The following FHIT variants were observed in gnomAD, a reference collection of about 807,000 sequenced individuals.
The protein encoded by FHIT is bis(5'-adenosyl)-triphosphatase.
Under a neutral mutation model 17.9 loss-of-function variants are expected in FHIT, and 19 were observed. That is an observed-to-expected ratio of 1.06 (90% CI 0.74 to 1.56). FHIT has a LOEUF of 1.56. Among genes scored for constraint, FHIT ranks in the 40% most tolerant of loss-of-function variants. The probability of loss-of-function intolerance (pLI) is 0.00; values close to 1 mark genes in which losing one functional copy is unlikely to be tolerated. For synonymous variants in FHIT, 81 were observed against 69.7 expected, an observed-to-expected ratio of 1.16 and a Z score of -0.81; for missense variants, 248 against 189.2, an observed-to-expected ratio of 1.31 and a Z score of -1.82.
chr3:61,014,145 A>G (rs1258828413), intron 3 of FHIT, among the ~76,000 whole-genome samples: 1 of 152,190 alleles, frequency 6.6e-6, no homozygotes, highest in Non-Finnish European at 1.5e-5. Context: ...TGAGAACTCC[A>G]GCTGTGGGAA....
At chr3:61,204,721 A>C (rs1171735695) in intron 1 of FHIT, among the ~76,000 whole-genome samples, 2 of 152,240 alleles carry the variant, frequency 1.3e-5, no homozygotes, top group Non-Finnish European at 2.9e-5. Context: ...ATAAGTACAC[A>C]CCACGGAAAT....
intron 5 of FHIT, among the ~76,000 whole-genome samples, chr3:60,481,219 G>A (rs553186829): frequency 6.6e-5 from 10 of 152,278 alleles, no homozygotes; most frequent in African/African-American, 2.2e-4. Flanking sequence ...TGAAGGGGAT[G>A]GGAAGAACGG....
At chr3:60,036,299 T>G (rs1469999444) in intron 5 of FHIT, among the ~76,000 whole-genome samples, 1 of 152,208 alleles carries the variant, frequency 6.6e-6, no homozygotes, top group Non-Finnish European at 1.5e-5. Flanking sequence ...ACCACAGTCC[T>G]TCCTGCTAAA....
rs185008027 is a variant in FHIT, at chr3:60,537,088, G to A, written c.-17-109C>T. On this transcript the variant is annotated intron_variant, in intron 4 of 9. Transcript: ENST00000492590. The stretch of plus-strand genomic sequence containing the variant: ...ACTACAGATTCTTAGTTGCAGAGAG[G>A]ATGCCATTGAAATTGTTCCTCATTG... The A allele has an allele frequency of 1.1e-4, 95 of 864,894 alleles. No homozygotes were observed. The African/African-American group carries it at 1.6e-3, about 14-fold the overall frequency. 53.6% of individuals were successfully genotyped at this position (864,894 alleles called of 1,614,324 possible).
intron 3 of FHIT, among the ~76,000 whole-genome samples, chr3:60,991,474 T>C (rs2107582742): frequency 6.6e-6 from 1 of 152,300 alleles, no homozygotes; most frequent in Non-Finnish European, 1.5e-5. Flanking sequence ...TACAGCTGTC[T>C]GGGCGTCATG....
intron 5 of FHIT, among the ~76,000 whole-genome samples, chr3:60,450,237 G>T (rs1000405405): frequency 6.8e-6 from 1 of 147,050 alleles, no homozygotes; most frequent in Non-Finnish European, 1.5e-5. Flanking sequence ...ATTAATAATT[G>T]CACTATGACA....
At chr3:60,405,726 G>A (rs1021108395) in intron 5 of FHIT, among the ~76,000 whole-genome samples, 2 of 152,134 alleles carry the variant, frequency 1.3e-5, no homozygotes, top group African/African-American at 4.8e-5. Context: ...AGACATTTTG[G>A]GCTATCACAA....
chr3:61,114,768 G>A (rs903019602), intron 2 of FHIT, among the ~76,000 whole-genome samples: 2 of 152,086 alleles, frequency 1.3e-5, no homozygotes, highest in African/African-American at 4.8e-5. Flanking sequence ...CAAGGACCCG[G>A]TGGACTTCCT....
At chr3:60,531,318 G>A (rs1164270281) in intron 5 of FHIT, among the ~76,000 whole-genome samples, 7 of 121,782 alleles carry the variant, frequency 5.7e-5, no homozygotes, top group South Asian at 2.7e-4. Context: ...TCGCTCTGTC[G>A]CCCAGGCTGG....
At chr3:61,203,875 C>T (rs11915333) in intron 1 of FHIT, among the ~76,000 whole-genome samples, 2,847 of 152,322 alleles carry the variant, frequency 0.019, 83 homozygotes, top group African/African-American at 0.064. Context: ...TACACATGTA[C>T]TCACAGAGAT....
At chr3:59,784,820 G>T (rs375088025) in intron 8 of FHIT, among the ~76,000 whole-genome samples, 48 of 152,172 alleles carry the variant, frequency 3.2e-4, no homozygotes, top group African/African-American at 1.0e-3. Context: ...TTTTATTTTT[G>T]ATTGTACTTA....
chr3:60,389,016 G>A (rs1390693438), intron 5 of FHIT, among the ~76,000 whole-genome samples: 1 of 152,148 alleles, frequency 6.6e-6, no homozygotes, highest in African/African-American at 2.4e-5. Flanking sequence ...GTGTCGTCTG[G>A]CTGTAAGTTC....
chr3:60,903,442 C>T (rs1415012024), intron 3 of FHIT, among the ~76,000 whole-genome samples: 1 of 152,178 alleles, frequency 6.6e-6, no homozygotes, highest in African/African-American at 2.4e-5. Flanking sequence ...TACTAACTGG[C>T]AGAGGCCAAA....
At chr3:60,373,266 G>T (rs943089128) in intron 5 of FHIT, among the ~76,000 whole-genome samples, 1 of 152,112 alleles carries the variant, frequency 6.6e-6, no homozygotes, top group African/African-American at 2.4e-5. Context: ...GGGGAGGCTG[G>T]GTAAGGATAG....
chr3:60,899,611 C>G (rs1335566367), intron 3 of FHIT, among the ~76,000 whole-genome samples: 7 of 152,164 alleles, frequency 4.6e-5, no homozygotes, highest in Non-Finnish European at 7.4e-5. Flanking sequence ...GTTCATGGAG[C>G]TCTTGTCACA....
chr3:61,216,390 A>G (rs1052044447), intron 1 of FHIT, among the ~76,000 whole-genome samples: 2 of 152,238 alleles, frequency 1.3e-5, no homozygotes, highest in Non-Finnish European at 2.9e-5. Context: ...AACACATGAA[A>G]AAATGCTCAC....
At chr3:60,064,324 G>A (rs1177398722) in intron 5 of FHIT, among the ~76,000 whole-genome samples, 2 of 152,178 alleles carry the variant, frequency 1.3e-5, no homozygotes, top group African/African-American at 4.8e-5. Flanking sequence ...GAAATGGGTG[G>A]TATTTTTGAA....
chr3:60,922,296 G>A (rs1182811557), intron 3 of FHIT, among the ~76,000 whole-genome samples: 1 of 152,208 alleles, frequency 6.6e-6, no homozygotes, highest in Admixed American at 6.5e-5. Context: ...CCCCATGCGG[G>A]CACCAGATAA....
intron 4 of FHIT, among the ~76,000 whole-genome samples, chr3:60,799,145 A>T (rs1553731434): frequency 6.6e-6 from 1 of 152,096 alleles, no homozygotes; most frequent in Non-Finnish European, 1.5e-5. Flanking sequence ...TTTCCATTAC[A>T]TTCCAGATTA....
Sources: allele counts gnomAD v4.1 joint callset (sites outside exome capture counted in the v4.1 genomes callset), GRCh38; gene constraint gnomAD v4.1.1; transcripts MANE v1.5; gene names NCBI Gene and HGNC (gene_info 2026-07-23, HGNC 2026-07-21).